The following PABIR3 variants were observed in gnomAD, a reference collection of about 807,000 sequenced individuals.
The protein encoded by PABIR3 is PABIR family member 3, also known as PABIR family member 1.
PABIR3 carries 20 observed loss-of-function variants against 23.1 expected under a neutral mutation model. The observed-to-expected ratio is 0.86, with a 90% CI of 0.61 to 1.26. The LOEUF (loss-of-function observed/expected upper bound fraction) is 1.26. Among genes scored for constraint, PABIR3 ranks in the 50% most tolerant of loss-of-function variants. PABIR3 has a pLI of 0.00. For synonymous variants in PABIR3, 69 were observed against 68.5 expected, an observed-to-expected ratio of 1.01 and a Z score of -0.04; for missense variants, 189 against 195.4, an observed-to-expected ratio of 0.97 and a Z score of 0.20.
rs746275759 is a variant in PABIR3, at chrX:134,819,424, T to C, written c.189+4575T>C. ...CAAGGCTTGTTGGTTTAGCTTGCTATAGCAATACTATGCATATGCTTTTAT... is the reference window on the plus strand; with the variant it reads ...CAAGGCTTGTTGGTTTAGCTTGCTACAGCAATACTATGCATATGCTTTTAT... On this transcript the variant is annotated intron_variant, in intron 3 of 10. Coordinates refer to ENST00000645433, the MANE Select transcript of PABIR3 (RefSeq NM_001388447.1). Among the ~76,000 whole-genome samples the C allele has an allele frequency of 1.8e-4, 20 of 112,021 alleles. No homozygotes were observed. The East Asian group carries it at 5.0e-3, about 28-fold the overall frequency.
downstream of PABIR3, among the ~76,000 whole-genome samples, chrX:134,855,006 G>A (rs2082739532): frequency 9.0e-6 from 1 of 111,363 alleles, no homozygotes; most frequent in Admixed American, 9.6e-5. Context: ...GGCTTAATAT[G>A]TCAGGGCTTT....
intron 3 of PABIR3, among the ~76,000 whole-genome samples, chrX:134,823,784 T>A (rs1310769751): frequency 1.8e-5 from 2 of 110,846 alleles, no homozygotes; most frequent in Non-Finnish European, 3.8e-5. Context: ...TTCTGCTTGC[T>A]TTGAAAGTTT....
At chrX:134,805,340 A>G (rs2080185519), upstream of PABIR3, among the ~76,000 whole-genome samples, 1 of 112,252 alleles carries the variant, frequency 8.9e-6, no homozygotes, top group South Asian at 3.7e-4. Context: ...TAAGTGCCCA[A>G]CAAACGGTAG....
chrX:134,849,183 A>G lies in PABIR3; in HGVS notation c.544A>G (p.Thr182Ala). The G allele has an allele frequency of 1.0e-6, 1 of 998,437 alleles. No individual in the cohort carries two copies. Among genetic ancestry groups the G allele is most frequent in the Non-Finnish European group, 1.3e-6 (1 of 781,426 alleles). 82.3% of individuals were successfully genotyped at this position (998,437 alleles called of 1,213,427 possible). A position where few individuals can be genotyped will look rare whatever the true frequency, so the allele number is the denominator to read the frequency against. Residue 182 changes from threonine to alanine, a missense_variant, in exon 9 of 11, where the codon ACC (threonine) becomes GCC (alanine). Thr to Ala is a moderately conservative substitution (Grantham distance 58, BLOSUM62 0). Transcript: ENST00000645433. Reference sequence around the variant, plus strand: ...TTATTTTAGAAGAAGTCAAAATCCTACCAACATTATTAGACCAAGTATCCT... The same window carrying G: ...TTATTTTAGAAGAAGTCAAAATCCTGCCAACATTATTAGACCAAGTATCCT... Reference protein sequence around the residue: ...QQYIIRSQNPTNIIRPSILGP... With the variant: ...QQYIIRSQNPANIIRPSILGP...
At chrX:134,862,594 C>G in the PABIR3 span, among the ~76,000 whole-genome samples, 1 of 112,094 alleles carries the variant, frequency 8.9e-6, no homozygotes. Context: ...TTGCTTTTCT[C>G]TTTGCCTTGT....
intron 4 of PABIR3, among the ~76,000 whole-genome samples, chrX:134,833,382 A>G (rs2081874837): frequency 9.0e-6 from 1 of 110,775 alleles, no homozygotes; most frequent in Admixed American, 9.7e-5. Context: ...TCACAATGCC[A>G]TCATTATGCA....
chrX:134,812,362 AT>A (rs1260759312), intron 2 of PABIR3, among the ~76,000 whole-genome samples: 4 of 112,002 alleles, frequency 3.6e-5, no homozygotes, highest in Non-Finnish European at 5.6e-5. Context: ...TGTCCCTCCA[AT>A]TTTCTTATGA....
At chrX:134,850,038 A>G (rs866680429) in intron 9 of PABIR3, among the ~76,000 whole-genome samples, 3 of 107,411 alleles carry the variant, frequency 2.8e-5, no homozygotes, top group Non-Finnish European at 3.8e-5. Flanking sequence ...ATGCCCAGCT[A>G]ATTTTTTTGT....
chrX:134,840,485 G>GC (rs2082192731), intron 4 of PABIR3, among the ~76,000 whole-genome samples: 1 of 111,705 alleles, frequency 9.0e-6, no homozygotes, highest in East Asian at 2.8e-4. Context: ...TATGTGTTAA[G>GC]CACTGAACTG....
At chrX:134,822,062 C>T in intron 3 of PABIR3, 2 of 754,764 alleles carry the variant, frequency 2.6e-6, no homozygotes, top group Non-Finnish European at 3.1e-6. Context: ...TCACCCAGCA[C>T]CCTCCCTAAC....
chrX:134,852,393 G>A (rs1171193207), intron 9 of PABIR3, among the ~76,000 whole-genome samples: 1 of 110,800 alleles, frequency 9.0e-6, no homozygotes, highest in African/African-American at 3.3e-5. Context: ...GAGAATTGCT[G>A]GAACCTGGGA....
intron 9 of PABIR3, among the ~76,000 whole-genome samples, chrX:134,850,982 C>T (rs1403884240): frequency 8.9e-6 from 1 of 111,955 alleles, no homozygotes; most frequent in Non-Finnish European, 1.9e-5. Flanking sequence ...AACAGATAAA[C>T]AGAAATTGAA....
intron 4 of PABIR3, chrX:134,831,786 AATTATT>A (rs769257544): frequency 1.1e-3 from 122 of 111,458 alleles, no homozygotes; most frequent in African/African-American, 3.8e-3. Context: ...TGTATAATTA[AATTATT>A]ATTGACTATA....
chrX:134,836,544 C>T (rs2081980914), intron 4 of PABIR3, among the ~76,000 whole-genome samples: 1 of 112,164 alleles, frequency 8.9e-6, no homozygotes, highest in Non-Finnish European at 1.9e-5. Context: ...AGGCCTCTGC[C>T]CTTGGCTTGT....
chrX:134,808,072 C>A (rs2080349583), intron 2 of PABIR3: 1 of 297,239 alleles, frequency 3.4e-6, no homozygotes, highest in Non-Finnish European at 5.9e-6. Context: ...ACCTCCAGAT[C>A]TTCTGCCATG....
intron 4 of PABIR3, chrX:134,835,653 A>G (rs1213345689): frequency 9.1e-6 from 1 of 110,278 alleles, no homozygotes; most frequent in Non-Finnish European, 1.9e-5. Context: ...TAAAAATTTT[A>G]TTTTATTTAT....
At chrX:134,830,325 CTTTTTTTTTTTTT>C (rs766717674) in intron 4 of PABIR3, among the ~76,000 whole-genome samples, 1 of 62,549 alleles carries the variant, frequency 1.6e-5, no homozygotes, top group African/African-American at 7.1e-5. Context: ...GGTTTTTTTC[CTTTTTTTTTTTTT>C]TTTTTTTTTT....
At chrX:134,821,596 C>T in intron 3 of PABIR3, 1 of 1,138,964 alleles carries the variant, frequency 8.8e-7, no homozygotes, top group Non-Finnish European at 1.2e-6. Flanking sequence ...TTTTCTTGAG[C>T]AATTCATCTG....
At chrX:134,803,994 G>A (rs2080132212), upstream of PABIR3, 3 of 223,508 alleles carry the variant, frequency 1.3e-5, no homozygotes, top group Admixed American at 2.1e-4. Context: ...ACTTGTATTT[G>A]ACTTGCTCTT....
Sources: allele counts gnomAD v4.1 joint callset (sites outside exome capture counted in the v4.1 genomes callset), GRCh38; gene constraint gnomAD v4.1.1; transcripts MANE v1.5; gene names NCBI Gene and HGNC (gene_info 2026-07-23, HGNC 2026-07-21).